ZNF385B: variants seen among roughly 807,000 people sequenced by gnomAD.
ZNF385B encodes the protein zinc finger protein 533.
ZNF385B carries 23 observed loss-of-function variants against 39.2 expected under a neutral mutation model. That is an observed-to-expected ratio of 0.59 (90% CI 0.42 to 0.83). ZNF385B has a LOEUF of 0.83. ZNF385B is among the 40% of genes least tolerant of loss of function. The pLI, the probability that ZNF385B is intolerant of heterozygous loss-of-function variation, is 0.00. For synonymous variants in ZNF385B, 205 were observed against 222.6 expected (o/e 0.92, Z 0.70); for missense variants, 552 against 598.9 (o/e 0.92, Z 0.82).
intron 6 of ZNF385B, among the ~76,000 whole-genome samples, chr2:179,456,171 T>G (rs1380707253): frequency 6.6e-6 from 1 of 152,200 alleles, no homozygotes; most frequent in Non-Finnish European, 1.5e-5. Context: ...TATTCAGACA[T>G]CTCTGAAAAC....
At chr2:179,860,326 C>G (rs956599030) in intron 1 of ZNF385B, among the ~76,000 whole-genome samples, 1 of 152,158 alleles carries the variant, frequency 6.6e-6, no homozygotes, top group Non-Finnish European at 1.5e-5. Flanking sequence ...ACAGCACTCC[C>G]TATCCAGGTT....
chr2:179,595,953 GT>G (rs1687967556), intron 3 of ZNF385B, among the ~76,000 whole-genome samples: 2 of 152,184 alleles, frequency 1.3e-5, no homozygotes, highest in South Asian at 4.1e-4. Context: ...TAAAAAAATT[GT>G]TTTCAGAGCA....
At chr2:179,642,940 C>T (rs1692397541) in intron 3 of ZNF385B, among the ~76,000 whole-genome samples, 1 of 152,254 alleles carries the variant, frequency 6.6e-6, no homozygotes, top group African/African-American at 2.4e-5. Flanking sequence ...AGTATCATGA[C>T]TGTCTCAACA....
chr2:179,621,736 G>T (rs1252588840), intron 3 of ZNF385B, among the ~76,000 whole-genome samples: 1 of 152,126 alleles, frequency 6.6e-6, no homozygotes, highest in Non-Finnish European at 1.5e-5. Context: ...GCCCCTTTGG[G>T]ATTATGTTTT....
intron 1 of ZNF385B, among the ~76,000 whole-genome samples, chr2:179,798,063 G>C (rs1311791167): frequency 6.6e-6 from 1 of 151,992 alleles, no homozygotes; most frequent in Non-Finnish European, 1.5e-5. Context: ...TCTTCCACAG[G>C]TGGCCACGGA....
chr2:179,777,044 C>A (rs1443209733), intron 1 of ZNF385B, among the ~76,000 whole-genome samples: 1 of 151,766 alleles, frequency 6.6e-6, no homozygotes. Flanking sequence ...TCAGCTTCAG[C>A]CAAAAGCTGA....
intron 1 of ZNF385B, chr2:179,814,149 C>T (rs1391416340): frequency 6.2e-6 from 1 of 161,378 alleles, no homozygotes; most frequent in Non-Finnish European, 1.3e-5. Context: ...CTTCAGGGAC[C>T]TCAGGGGCAG....
intron 3 of ZNF385B, among the ~76,000 whole-genome samples, chr2:179,715,304 C>T (rs1700266165): frequency 6.6e-6 from 1 of 152,184 alleles, no homozygotes; most frequent in African/African-American, 2.4e-5. Flanking sequence ...CTTGGAACCA[C>T]TGATAATCCC....
intron 1 of ZNF385B, among the ~76,000 whole-genome samples, chr2:179,826,173 G>A (rs764114360): frequency 3.9e-5 from 6 of 152,124 alleles, no homozygotes; most frequent in Non-Finnish European, 7.4e-5. Flanking sequence ...ACAGAGTTTA[G>A]GGTTTGGAAT....
chr2:179,860,292 T>C (rs574110707), intron 1 of ZNF385B, among the ~76,000 whole-genome samples: 1 of 152,312 alleles, frequency 6.6e-6, no homozygotes, highest in South Asian at 2.1e-4. Context: ...GGGATACTTC[T>C]TGGCAATTTA....
chr2:179,537,770 A>C (rs66771258), intron 4 of ZNF385B, among the ~76,000 whole-genome samples: 3,047 of 150,098 alleles, frequency 0.02, 42 homozygotes, highest in Middle Eastern at 0.049. Flanking sequence ...AACAAACAAA[A>C]AAAAAAATTA....
At chr2:179,838,937 G>T (rs1029104605) in intron 1 of ZNF385B, among the ~76,000 whole-genome samples, 1 of 147,154 alleles carries the variant, frequency 6.8e-6, no homozygotes, top group Non-Finnish European at 1.5e-5. Context: ...AAGGGGGGGG[G>T]GCATTTTGCT....
At position 179,443,289 on chromosome 2, in the gene ZNF385B, G is replaced by A. The variant is rs766508230; in HGVS notation, c.1422C>T (p.Ile474=). 1.2e-6 allele frequency: 2 copies of A among 1,612,654 alleles called. No homozygotes were observed. Among genetic ancestry groups the A allele is most frequent in the East Asian group, 2.2e-5 (1 of 44,886 alleles). The stretch of plus-strand genomic sequence containing the variant: ...AGAGGATGGAGGCAGGAGTGGCGCG[G>A]ATGGGCCCATGCCCAGGCCTCAGAA... ...PALLRPGHGP[I]RATPASILFA... The change falls in exon 10 of 10, where the codon ATC becomes ATT. Residue 474 remains isoleucine, a synonymous_variant. Transcript: ENST00000410066.
intron 1 of ZNF385B, among the ~76,000 whole-genome samples, chr2:179,795,537 T>C (rs727423): frequency 0.27 from 41,061 of 152,042 alleles, 5,674 homozygotes; most frequent in Admixed American, 0.33. Flanking sequence ...TACAAAGAGA[T>C]AGCCATAGCT....
chr2:179,497,952 A>C (rs113070946), intron 5 of ZNF385B, among the ~76,000 whole-genome samples: 6 of 152,262 alleles, frequency 3.9e-5, no homozygotes, highest in African/African-American at 1.4e-4. Flanking sequence ...CAAGCCAAAA[A>C]CTATAAGAGA....
chr2:179,503,875 A>AT (rs1192797851), intron 5 of ZNF385B, among the ~76,000 whole-genome samples: 5 of 102,410 alleles, frequency 4.9e-5, no homozygotes, highest in Middle Eastern at 6.0e-3. Context: ...TTTTTTTTTC[A>AT]TTCTTTTTTT....
intron 3 of ZNF385B, chr2:179,562,402 T>C: frequency 2.0e-6 from 2 of 985,418 alleles, no homozygotes; most frequent in Non-Finnish European, 2.4e-6. Flanking sequence ...TGCTTACCTT[T>C]GTTTTTAAGG....
chr2:179,655,807 C>T (rs750502795), intron 3 of ZNF385B, among the ~76,000 whole-genome samples: 6 of 152,014 alleles, frequency 3.9e-5, no homozygotes, highest in Non-Finnish European at 7.4e-5. Context: ...GAATAACATT[C>T]GAGGCAAAAG....
intron 3 of ZNF385B, among the ~76,000 whole-genome samples, chr2:179,691,397 T>C (rs952619708): frequency 6.6e-6 from 1 of 152,218 alleles, no homozygotes; most frequent in African/African-American, 2.4e-5. Flanking sequence ...ATGTCAGTTC[T>C]GTTGTTTATT....
Sources: gnomAD v4.1 joint callset for allele counts (sites outside exome capture counted in the v4.1 genomes callset) on GRCh38, gnomAD v4.1.1 for gene constraint, MANE v1.5 for transcripts, NCBI Gene and HGNC (gene_info 2026-07-23, HGNC 2026-07-21) for gene names.